The following ARB2A variants were observed in gnomAD, a reference collection of about 807,000 sequenced individuals.
ARB2A encodes the protein cotranscriptional regulator ARB2A.
the ARB2A span, among the ~76,000 whole-genome samples, chr5:94,008,213 C>T: frequency 1.3e-5 from 2 of 152,064 alleles, no homozygotes; most frequent in African/African-American, 4.8e-5. Context: ...AAGTCTAACA[C>T]ATTAGTTGAA....
chr5:93,955,444 T>C, the ARB2A span, among the ~76,000 whole-genome samples: 1 of 152,154 alleles, frequency 6.6e-6, no homozygotes, highest in African/African-American at 2.4e-5. Flanking sequence ...TCAGAAATAA[T>C]AGCAAGAATA....
chr5:93,885,274 A>G, the ARB2A span, among the ~76,000 whole-genome samples: 1 of 151,584 alleles, frequency 6.6e-6, no homozygotes, highest in African/African-American at 2.4e-5. Context: ...CAAGTATAAT[A>G]TCTTAAAAGA....
At chr5:94,055,556 TA>T in the ARB2A span, 776 of 772,700 alleles carry the variant, frequency 1.0e-3, no homozygotes, top group Middle Eastern at 1.3e-3. Context: ...ATCCCCAATA[TA>T]AAAAAAAAGT....
At chr5:93,853,667 AG>A in the ARB2A span, among the ~76,000 whole-genome samples, 9 of 152,190 alleles carry the variant, frequency 5.9e-5, no homozygotes, top group Admixed American at 1.3e-4. Flanking sequence ...TTTAGCATGA[AG>A]GGTTGTTGAA....
the ARB2A span, among the ~76,000 whole-genome samples, chr5:93,914,409 G>C: frequency 1.3e-5 from 2 of 151,894 alleles, no homozygotes; most frequent in African/African-American, 4.8e-5. Flanking sequence ...TAAGTTATAT[G>C]CAGTTAAAAT....
At chr5:93,924,566 C>T in the ARB2A span, among the ~76,000 whole-genome samples, 1 of 152,114 alleles carries the variant, frequency 6.6e-6, no homozygotes, top group Admixed American at 6.5e-5. Context: ...ATAATTGTCT[C>T]ATTTGCCAAT....
At chr5:94,101,230 T>A in the ARB2A span, among the ~76,000 whole-genome samples, 1 of 152,046 alleles carries the variant, frequency 6.6e-6, no homozygotes, top group South Asian at 2.1e-4. Flanking sequence ...ATTAGAGAAA[T>A]GCAAATCAAA....
At chr5:93,668,838 A>G in the ARB2A span, among the ~76,000 whole-genome samples, 1 of 152,126 alleles carries the variant, frequency 6.6e-6, no homozygotes, top group East Asian at 1.9e-4. Context: ...CAGACCATGA[A>G]AGAGACAATG....
At chr5:93,690,753 G>A in the ARB2A span, among the ~76,000 whole-genome samples, 3 of 152,258 alleles carry the variant, frequency 2.0e-5, no homozygotes, top group South Asian at 6.2e-4. Flanking sequence ...TGTGCCTCCT[G>A]ACTGGGAGCA....
At chr5:93,721,464 T>A in the ARB2A span, among the ~76,000 whole-genome samples, 2 of 152,186 alleles carry the variant, frequency 1.3e-5, no homozygotes, top group Non-Finnish European at 2.9e-5. Context: ...AAAAAGTTTT[T>A]AAATTATTGA....
At chr5:93,836,020 T>C in the ARB2A span, among the ~76,000 whole-genome samples, 2 of 152,112 alleles carry the variant, frequency 1.3e-5, no homozygotes. Flanking sequence ...AAGGATAAGA[T>C]GAAAGAAAAA....
the ARB2A span, among the ~76,000 whole-genome samples, chr5:93,675,728 T>C: frequency 2.6e-5 from 4 of 152,362 alleles, no homozygotes; most frequent in African/African-American, 4.8e-5. Context: ...TCAAGAAGTA[T>C]TTTTACTAGT....
At chr5:93,712,345 A>C in the ARB2A span, among the ~76,000 whole-genome samples, 1 of 152,218 alleles carries the variant, frequency 6.6e-6, no homozygotes, top group Non-Finnish European at 1.5e-5. Flanking sequence ...TAAAAACAGA[A>C]GAAAACAAAA....
chr5:93,889,018 AT>A, the ARB2A span, among the ~76,000 whole-genome samples: 2 of 151,770 alleles, frequency 1.3e-5, no homozygotes, highest in African/African-American at 2.4e-5. Context: ...ATTTTAAGAT[AT>A]TTTCATTCAG....
At chr5:93,909,234 T>C in the ARB2A span, among the ~76,000 whole-genome samples, 2 of 149,384 alleles carry the variant, frequency 1.3e-5, no homozygotes, top group South Asian at 2.1e-4. Context: ...CCTTTCCTAA[T>C]GTGCCACTTC....
At chr5:94,050,399 C>T in the ARB2A span, among the ~76,000 whole-genome samples, 1 of 151,842 alleles carries the variant, frequency 6.6e-6, no homozygotes, top group Non-Finnish European at 1.5e-5. Context: ...GGACTACACG[C>T]GCATGCAACC....
chr5:93,776,591 A>C, the ARB2A span, among the ~76,000 whole-genome samples: 1 of 152,318 alleles, frequency 6.6e-6, no homozygotes, highest in East Asian at 1.9e-4. Context: ...CAGCGTGGCC[A>C]ACATGGTGAA....
At chr5:93,771,826 G>A in the ARB2A span, among the ~76,000 whole-genome samples, 14 of 152,186 alleles carry the variant, frequency 9.2e-5, no homozygotes, top group Non-Finnish European at 2.1e-4. Context: ...GAGAGGATGT[G>A]GAGAAATAGG....
chr5:93,989,754 T>C, the ARB2A span, among the ~76,000 whole-genome samples: 1 of 152,172 alleles, frequency 6.6e-6, no homozygotes, highest in South Asian at 2.1e-4. Flanking sequence ...AGCCCATTTT[T>C]TTCTGTTTCT....
Sources: allele counts gnomAD v4.1 joint callset (sites outside exome capture counted in the v4.1 genomes callset), GRCh38; gene constraint gnomAD v4.1.1; transcripts MANE v1.5; gene names NCBI Gene and HGNC (gene_info 2026-07-23, HGNC 2026-07-21).